NIBAN1: variants seen among roughly 807,000 people sequenced by gnomAD.
NIBAN1 encodes protein Niban 1.
In NIBAN1, 81 loss-of-function variants were observed where a neutral mutation model predicts 75.1. The observed-to-expected ratio is 1.08, with a 90% CI of 0.90 to 1.30. The LOEUF (loss-of-function observed/expected upper bound fraction) is 1.30, where lower values mean the gene tolerates loss of function less well. NIBAN1 is among the 50% of genes most tolerant of loss of function. The pLI is 0.00. For synonymous variants in NIBAN1, 436 were observed against 424.8 expected (o/e 1.03, Z -0.32); for missense variants, 1,133 against 1,128.1 (o/e 1.00, Z -0.06).
chr1:184,890,793 T>A (rs114076050), intron 3 of NIBAN1, among the ~76,000 whole-genome samples: 3,315 of 152,314 alleles, frequency 0.022, 111 homozygotes, highest in African/African-American at 0.075. Flanking sequence ...AGTACAGCAC[T>A]GTGACATCAG....
intron 10 of NIBAN1, among the ~76,000 whole-genome samples, chr1:184,807,316 T>G (rs1654228431): frequency 7.9e-6 from 1 of 126,654 alleles, no homozygotes; most frequent in African/African-American, 3.7e-5. Context: ...AAAAGGTTCC[T>G]TATGAAAAAA....
intron 3 of NIBAN1, among the ~76,000 whole-genome samples, chr1:184,892,471 G>C (rs760265286): frequency 6.6e-6 from 1 of 152,132 alleles, no homozygotes; most frequent in Non-Finnish European, 1.5e-5. Flanking sequence ...AAGGTGTCTT[G>C]TTATTATCAT....
intron 1 of NIBAN1, among the ~76,000 whole-genome samples, chr1:184,937,847 G>A (rs534639542): frequency 4.6e-5 from 7 of 152,288 alleles, no homozygotes; most frequent in African/African-American, 1.7e-4. Flanking sequence ...AAACAGCTAC[G>A]TGAGAAGTAA....
chr1:184,803,010 C>T (rs928571177), intron 12 of NIBAN1, among the ~76,000 whole-genome samples: 1 of 152,206 alleles, frequency 6.6e-6, no homozygotes, highest in South Asian at 2.1e-4. Context: ...CATTGCTCTG[C>T]TCTACAGATG....
At chr1:184,899,807 CTTTTTTTTT>C (rs66802117) in intron 1 of NIBAN1, among the ~76,000 whole-genome samples, 5 of 100,346 alleles carry the variant, frequency 5.0e-5, no homozygotes, top group South Asian at 3.7e-4. Context: ...ACATCACTCT[CTTTTTTTTT>C]TTTTTTTTTT....
intron 2 of NIBAN1, among the ~76,000 whole-genome samples, chr1:184,894,920 A>T (rs1656761164): frequency 6.6e-6 from 1 of 152,222 alleles, no homozygotes; most frequent in African/African-American, 2.4e-5. Context: ...GATAATTCCC[A>T]TCCGGCTTCA....
Position 184,936,275 on chromosome 1 carries a change from C to T in NIBAN1, c.56-36966G>A, listed in dbSNP as rs547206463. 4.6e-5 allele frequency among the ~76,000 whole-genome samples: 7 copies of T among 152,106 alleles called. No homozygotes were observed. The South Asian group carries it at 8.3e-4, about 18-fold the overall frequency. On this transcript the variant is annotated intron_variant, in intron 1 of 13. Coordinates refer to ENST00000367511, the MANE Select transcript of NIBAN1 (RefSeq NM_052966.4). ...GAACAACAGGAGAACTCACAGATTC[C>T]GGGAGTGTAGTTTCAGCAGCAGACA...
intron 9 of NIBAN1, among the ~76,000 whole-genome samples, chr1:184,818,229 T>G (rs1292398783): frequency 6.6e-6 from 1 of 152,134 alleles, no homozygotes; most frequent in Non-Finnish European, 1.5e-5. Context: ...TATGAATAAA[T>G]AAAAACTATA....
intron 10 of NIBAN1, among the ~76,000 whole-genome samples, chr1:184,807,818 C>T (rs975537849): frequency 6.6e-6 from 1 of 152,162 alleles, no homozygotes; most frequent in Admixed American, 6.6e-5. Flanking sequence ...AAGGTTACAG[C>T]ACTGATTTGA....
In NIBAN1 at chr1:184,950,401, G is replaced by T. The variant is rs1658332160; in HGVS notation, c.55+23901C>A. On this transcript the variant is annotated intron_variant, in intron 1 of 13. Transcript: ENST00000367511. ...GTAATTTTCTCCACATTCTTAGGCA[G>T]GCAGGCCCCAGACACTTTGTCTTTT... is the stretch of plus-strand genomic sequence containing the variant. Among the ~76,000 whole-genome samples the T allele has an allele frequency of 3.3e-5, 5 of 152,184 alleles. No individual in the cohort carries two copies. The South Asian group carries it at 1.0e-3, about 32-fold the overall frequency.
At chr1:184,820,158 A>G (rs1654654344) in intron 8 of NIBAN1, among the ~76,000 whole-genome samples, 1 of 152,246 alleles carries the variant, frequency 6.6e-6, no homozygotes, top group South Asian at 2.1e-4. Context: ...AAAGTGTAAA[A>G]CTGTTTGTCA....
chr1:184,795,730 GC>G lies in NIBAN1; in HGVS notation c.2033del (p.Gly678AlafsTer32). The G allele has an allele frequency of 3.7e-6, 6 of 1,613,004 alleles. No homozygotes were observed. The highest frequency in any genetic ancestry group is 5.1e-6 in the Non-Finnish European group (6 of 1,179,334). ...VATEDTAGLPGTCSSELEFGG... is the reference protein window; with the variant it reads ...VATEDTAGLPXTCSSELEFGG... ...CAAACTCCAGCTCTGATGAGCATGTGCCCGGGAGTCCTGCTGTGTCCTCTGT... is the reference window on the plus strand; with the variant it reads ...CAAACTCCAGCTCTGATGAGCATGTGCCGGGAGTCCTGCTGTGTCCTCTGT... On this transcript the variant is annotated frameshift_variant, in exon 14 of 14. Coordinates refer to ENST00000367511, the MANE Select transcript of NIBAN1 (RefSeq NM_052966.4). LOFTEE classifies it low-confidence loss of function (END_TRUNC).
intron 4 of NIBAN1, 94 bp downstream of exon 4, chr1:184,890,014 G>A: frequency 1.0e-6 from 1 of 962,824 alleles, no homozygotes; most frequent in Non-Finnish European, 1.6e-6. Context: ...AATGTCCCTG[G>A]AGGGAAATCC....
intron 1 of NIBAN1, among the ~76,000 whole-genome samples, chr1:184,952,174 G>A (rs2102065267): frequency 6.6e-6 from 1 of 152,324 alleles, no homozygotes; most frequent in Non-Finnish European, 1.5e-5. Context: ...GCCAAGGTGG[G>A]CAAGTGCTTG....
At chr1:184,839,038 G>A (rs1655210836) in intron 5 of NIBAN1, among the ~76,000 whole-genome samples, 1 of 152,162 alleles carries the variant, frequency 6.6e-6, no homozygotes, top group Admixed American at 6.5e-5. Context: ...ACAAAGAAGG[G>A]GAACAGGGGA....
intron 1 of NIBAN1, among the ~76,000 whole-genome samples, chr1:184,919,767 T>C (rs1657481659): frequency 6.6e-6 from 1 of 152,082 alleles, no homozygotes; most frequent in African/African-American, 2.4e-5. Flanking sequence ...GTAAACATCC[T>C]AGGTAATGAG....
intron 5 of NIBAN1, among the ~76,000 whole-genome samples, chr1:184,860,986 G>A (rs970961548): frequency 3.3e-5 from 5 of 152,198 alleles, no homozygotes; most frequent in African/African-American, 1.2e-4. Context: ...AAAAGGCATG[G>A]ATCAAATGAA....
intron 9 of NIBAN1, among the ~76,000 whole-genome samples, chr1:184,810,434 A>G (rs1002717921): frequency 2.6e-5 from 4 of 152,216 alleles, no homozygotes; most frequent in African/African-American, 9.6e-5. Context: ...CCATACTTTC[A>G]GAAATATTGA....
intron 10 of NIBAN1, among the ~76,000 whole-genome samples, chr1:184,807,507 G>C (rs775384481): frequency 7.9e-5 from 12 of 152,156 alleles, no homozygotes; most frequent in African/African-American, 7.2e-5. Context: ...AGCCATATAG[G>C]CTGGGTGTGG....
Sources: gnomAD v4.1 joint callset for allele counts (sites outside exome capture counted in the v4.1 genomes callset) on GRCh38, gnomAD v4.1.1 for gene constraint, MANE v1.5 for transcripts, NCBI Gene and HGNC (gene_info 2026-07-23, HGNC 2026-07-21) for gene names.